Variants in CALN1 observed in about 807,000 individuals in gnomAD.
The protein encoded by CALN1 is calcium-binding protein 8.
In CALN1, 17 loss-of-function variants were observed where a neutral mutation model predicts 30.6. That is an observed-to-expected ratio of 0.56 (90% CI 0.38 to 0.83). The LOEUF (loss-of-function observed/expected upper bound fraction) is 0.83, where lower values mean the gene tolerates loss of function less well. Ranked by LOEUF, CALN1 falls within the 40% of genes least tolerant of loss-of-function variation. The pLI is 0.00. For missense variants in CALN1, 291 were observed against 354.9 expected, an observed-to-expected ratio of 0.82 and a Z score of 1.45; for synonymous variants, 156 against 131.4, an observed-to-expected ratio of 1.19 and a Z score of -1.28.
the CALN1 span, among the ~76,000 whole-genome samples, chr7:72,483,937 T>A: frequency 3.9e-5 from 6 of 152,292 alleles, no homozygotes; most frequent in African/African-American, 1.2e-4. Context: ...GGTTTAAAAT[T>A]TTTTTTGAGA....
chr7:72,292,817 T>C (rs1260301864), intron 2 of CALN1, among the ~76,000 whole-genome samples: 3 of 5,556 alleles, frequency 5.4e-4, no homozygotes, highest in Non-Finnish European at 8.0e-4. Flanking sequence ...CAATACTCTG[T>C]CTCAAAAAAA....
intron 5 of CALN1, among the ~76,000 whole-genome samples, chr7:72,023,287 T>C (rs982936251): frequency 3.3e-5 from 5 of 152,142 alleles, no homozygotes; most frequent in African/African-American, 1.2e-4. Flanking sequence ...GGGATCCAAA[T>C]GTACCAGGCA....
At chr7:72,013,776 C>T (rs1245943060) in intron 5 of CALN1, among the ~76,000 whole-genome samples, 1 of 151,844 alleles carries the variant, frequency 6.6e-6, no homozygotes, top group Admixed American at 6.6e-5. Context: ...AATTCCATCT[C>T]TATCTTGGCT....
At chr7:71,992,762 T>A (rs535329419) in intron 5 of CALN1, among the ~76,000 whole-genome samples, 1 of 152,334 alleles carries the variant, frequency 6.6e-6, no homozygotes, top group South Asian at 2.1e-4. Flanking sequence ...CTATACTTAA[T>A]CATATTTTCG....
chr7:72,011,951 A>G (rs953182989), intron 5 of CALN1, among the ~76,000 whole-genome samples: 7 of 152,298 alleles, frequency 4.6e-5, no homozygotes, highest in African/African-American at 1.7e-4. Flanking sequence ...ATAACTTTCA[A>G]TGAAAATTCT....
At chr7:72,180,659 G>T (rs1789711348) in intron 3 of CALN1, among the ~76,000 whole-genome samples, 1 of 142,880 alleles carries the variant, frequency 7.0e-6, no homozygotes, top group South Asian at 2.3e-4. Context: ...TCATGCTGGA[G>T]TGCAGTGGCA....
chr7:72,008,175 A>G (rs1799877914), intron 5 of CALN1, among the ~76,000 whole-genome samples: 1 of 152,216 alleles, frequency 6.6e-6, no homozygotes. Context: ...GACACAATAA[A>G]TGGATACAAT....
intron 5 of CALN1, among the ~76,000 whole-genome samples, chr7:72,011,851 A>T (rs1326578530): frequency 6.6e-6 from 1 of 151,978 alleles, no homozygotes; most frequent in Non-Finnish European, 1.5e-5. Flanking sequence ...AATGTTGCCC[A>T]CACTGGTCTT....
chr7:71,882,582 G>A (rs1388936296), intron 5 of CALN1, among the ~76,000 whole-genome samples: 1 of 152,062 alleles, frequency 6.6e-6, no homozygotes, highest in African/African-American at 2.4e-5. Flanking sequence ...GATACATGAA[G>A]TTTGTTCTAG....
At chr7:72,154,047 G>T (rs908029415) in intron 3 of CALN1, among the ~76,000 whole-genome samples, 2 of 152,074 alleles carry the variant, frequency 1.3e-5, no homozygotes, top group African/African-American at 4.8e-5. Flanking sequence ...TCCAAGACTG[G>T]ATCTCATGAT....
At chr7:72,145,395 C>T (rs1290575185) in intron 3 of CALN1, among the ~76,000 whole-genome samples, 1 of 152,224 alleles carries the variant, frequency 6.6e-6, no homozygotes, top group African/African-American at 2.4e-5. Context: ...TTCCTTGACA[C>T]ATACACTCTC....
At chr7:72,263,723 C>T (rs28401746) in intron 3 of CALN1, among the ~76,000 whole-genome samples, 28,508 of 152,018 alleles carry the variant, frequency 0.19, 3,695 homozygotes, top group East Asian at 0.43. Context: ...GCCTAATGAG[C>T]TCATTTTTTG....
chr7:72,111,027 C>G (rs950309195), intron 3 of CALN1, among the ~76,000 whole-genome samples: 2 of 152,202 alleles, frequency 1.3e-5, no homozygotes, highest in African/African-American at 4.8e-5. Flanking sequence ...GTGTGCTTTT[C>G]ACCGAAACGT....
chr7:72,120,256 A>G (rs1808284905), intron 3 of CALN1, among the ~76,000 whole-genome samples: 1 of 152,180 alleles, frequency 6.6e-6, no homozygotes, highest in African/African-American at 2.4e-5. Flanking sequence ...ATTTCATTCC[A>G]TACTTTTTAA....
the CALN1 span, among the ~76,000 whole-genome samples, chr7:72,500,940 G>T: frequency 6.6e-6 from 1 of 151,880 alleles, no homozygotes; most frequent in African/African-American, 2.4e-5. Context: ...CTAAATTGTT[G>T]AATTATTGAT....
At chr7:72,387,790 A>G (rs1239377682) in intron 2 of CALN1, among the ~76,000 whole-genome samples, 2 of 152,212 alleles carry the variant, frequency 1.3e-5, no homozygotes, top group Non-Finnish European at 2.9e-5. Context: ...CCAGGCACAG[A>G]AGGACAAACA....
intron 3 of CALN1, among the ~76,000 whole-genome samples, chr7:72,148,068 G>A (rs1469698576): frequency 2.8e-5 from 4 of 145,404 alleles, no homozygotes; most frequent in African/African-American, 5.1e-5. Context: ...TTGTGCACAC[G>A]TACCCTAGAA....
intron 5 of CALN1, among the ~76,000 whole-genome samples, chr7:71,970,893 G>A (rs996593368): frequency 6.6e-6 from 1 of 152,172 alleles, no homozygotes; most frequent in Non-Finnish European, 1.5e-5. Flanking sequence ...GATAGGTTCA[G>A]CAAAATTGAG....
In CALN1 at chr7:72,142,110, T is replaced by G. The variant is rs570368210; in HGVS notation, c.245-35816A>C. On this transcript the variant is annotated intron_variant, in intron 3 of 6. Coordinates refer to ENST00000395275, the MANE Select transcript of CALN1 (RefSeq NM_031468.4). ...GTACCGGGTTCATCTCACTGGGGATTGTCAGACAGTGGGTGCAGGACAGTG... is the reference window on the plus strand; with the variant it reads ...GTACCGGGTTCATCTCACTGGGGATGGTCAGACAGTGGGTGCAGGACAGTG... 2.6e-3 allele frequency among the ~76,000 whole-genome samples: 403 copies of G among 152,286 alleles called. 1 individual carries two copies. Among genetic ancestry groups the G allele is most frequent in the Non-Finnish European group, 4.5e-3 (308 of 68,024 alleles).
Sources: allele counts gnomAD v4.1 joint callset (sites outside exome capture counted in the v4.1 genomes callset), GRCh38; gene constraint gnomAD v4.1.1; transcripts MANE v1.5; gene names NCBI Gene and HGNC (gene_info 2026-07-23, HGNC 2026-07-21).